Variants in CLMN observed in about 807,000 individuals in gnomAD.
The protein encoded by CLMN is calmin (calponin-like, transmembrane).
Under a neutral mutation model 92.7 loss-of-function variants are expected in CLMN, and 57 were observed. The ratio of observed to expected loss-of-function variants is 0.61; its 90% confidence interval spans 0.50 to 0.77. CLMN has a LOEUF of 0.77. Among genes scored for constraint, CLMN ranks in the 30% least tolerant of loss-of-function variants. The pLI, the probability that CLMN is intolerant of heterozygous loss-of-function variation, is 0.00. For missense variants in CLMN, 1,158 were observed against 1,237.5 expected (o/e 0.94, Z 0.96); for synonymous variants, 466 against 470.6 (o/e 0.99, Z 0.13).
intron 1 of CLMN, among the ~76,000 whole-genome samples, chr14:95,308,186 A>T (rs1026630314): frequency 6.6e-6 from 1 of 152,230 alleles, no homozygotes; most frequent in Non-Finnish European, 1.5e-5. Context: ...TCTTCAGTCA[A>T]GAAGTCAGCC....
intron 1 of CLMN, among the ~76,000 whole-genome samples, chr14:95,257,420 A>G (rs1381074132): frequency 2.0e-5 from 3 of 152,226 alleles, no homozygotes; most frequent in African/African-American, 7.2e-5. Flanking sequence ...TGCAGGAGCC[A>G]TTTGTTTTGT....
intron 1 of CLMN, among the ~76,000 whole-genome samples, chr14:95,269,942 G>A (rs978617665): frequency 6.6e-6 from 1 of 150,942 alleles, no homozygotes; most frequent in African/African-American, 2.5e-5. Context: ...GACTTCATGA[G>A]AGAGAAAATT....
At chr14:95,216,455 C>G (rs541753091) in intron 4 of CLMN, among the ~76,000 whole-genome samples, 2 of 152,304 alleles carry the variant, frequency 1.3e-5, no homozygotes, top group East Asian at 1.9e-4. Flanking sequence ...ATACAACATG[C>G]CCAGTGTCAC....
intron 1 of CLMN, among the ~76,000 whole-genome samples, chr14:95,311,421 C>T (rs995806021): frequency 5.9e-5 from 9 of 152,070 alleles, no homozygotes; most frequent in Non-Finnish European, 1.3e-4. Flanking sequence ...CCAGTTAGAC[C>T]GGGAGGTCTG....
rs528942598 is a variant in CLMN, at chr14:95,210,988, C to T, written c.609-109G>A. 16 of 1,139,310 alleles carry T rather than the reference C, an allele frequency of 1.4e-5. No individual in the cohort carries two copies. In the South Asian group the frequency reaches 2.2e-4, roughly 16 times the overall value. The allele number at this position is 1,139,310 out of a possible 1,614,324, so 70.6% of individuals were successfully genotyped here. ...GAGTTTTTGAGTGGGGCAGAGCTGC[C>T]GACCTCGCCAGGTGAAGACGCCTTC... On this transcript the variant is annotated intron_variant, in intron 6 of 12. Transcript: ENST00000298912.
rs1223036906 is a variant in CLMN at position 95,203,725 on chromosome 14, C to A, written c.1624G>T (p.Val542Phe). 1 of 1,614,126 alleles carries A rather than the reference C, an allele frequency of 6.2e-7. No individual in the cohort carries two copies. Residue 542 changes from valine (V) to phenylalanine (F), a missense_variant, in exon 9 of 13, where the codon GTT (valine) becomes TTT (phenylalanine). Physicochemically the swap from Val to Phe is conservative, Grantham distance 50 (BLOSUM62 -1). Coordinates refer to ENST00000298912, the MANE Select transcript of CLMN (RefSeq NM_024734.4). ...AAAGCTTCTACAGTCATCAGGTTAA[C>A]CTTGATCTGGAAGGAATCGGCCATC... is the stretch of plus-strand genomic sequence containing the variant. The part of the protein sequence containing the change: ...TVMADSFQIK[V>F]NLMTVEALEE...
At chr14:95,230,916 C>T (rs996748976) in intron 1 of CLMN, among the ~76,000 whole-genome samples, 3 of 152,226 alleles carry the variant, frequency 2.0e-5, no homozygotes, top group African/African-American at 7.2e-5. Context: ...CAGGAATGGA[C>T]CCCTTCTCCC....
intron 1 of CLMN, among the ~76,000 whole-genome samples, chr14:95,242,104 C>T (rs1486937835): frequency 6.6e-6 from 1 of 151,902 alleles, no homozygotes; most frequent in Non-Finnish European, 1.5e-5. Context: ...TTGGATTACA[C>T]CTGTGATTCT....
At chr14:95,305,340 C>T (rs1030669985) in intron 1 of CLMN, among the ~76,000 whole-genome samples, 3 of 152,212 alleles carry the variant, frequency 2.0e-5, no homozygotes, top group Non-Finnish European at 4.4e-5. Flanking sequence ...TGTGAGCCAC[C>T]ACTCAAAGCT....
intron 4 of CLMN, 28 bp from the exon 5 acceptor site, chr14:95,215,761 A>G (rs775419636): frequency 1.3e-6 from 2 of 1,544,310 alleles, no homozygotes; most frequent in Non-Finnish European, 1.8e-6. Flanking sequence ...ATGAACTTAA[A>G]GCGAGGTGTC....
intron 4 of CLMN, among the ~76,000 whole-genome samples, chr14:95,216,496 C>T (rs559991911): frequency 6.6e-6 from 1 of 152,230 alleles, no homozygotes; most frequent in African/African-American, 2.4e-5. Flanking sequence ...CATTCTTTTC[C>T]AAGAGAGATG....
At chr14:95,319,463 G>C (rs1349668522) in intron 1 of CLMN, among the ~76,000 whole-genome samples, 1 of 152,074 alleles carries the variant, frequency 6.6e-6, no homozygotes, top group Non-Finnish European at 1.5e-5. Flanking sequence ...ATGAAAATGC[G>C]AGCCCTCGCC....
chr14:95,299,416 G>A (rs1396065293), intron 1 of CLMN, among the ~76,000 whole-genome samples: 32 of 152,180 alleles, frequency 2.1e-4, no homozygotes, highest in Non-Finnish European at 8.8e-5. Flanking sequence ...CACGGGACAC[G>A]CACCAGGGCT....
At chr14:95,288,527 A>C (rs143023538) in intron 1 of CLMN, among the ~76,000 whole-genome samples, 168 of 152,324 alleles carry the variant, frequency 1.1e-3, no homozygotes, top group African/African-American at 3.8e-3. Context: ...ATGAAGCACA[A>C]GGCTGAAGAG....
chr14:95,305,635 T>G (rs1317914608), intron 1 of CLMN, among the ~76,000 whole-genome samples: 2 of 152,180 alleles, frequency 1.3e-5, no homozygotes, highest in African/African-American at 4.8e-5. Flanking sequence ...ACAGAAATCA[T>G]AATGGATTGT....
intron 1 of CLMN, among the ~76,000 whole-genome samples, chr14:95,292,331 T>C (rs191184840): frequency 4.1e-4 from 63 of 152,296 alleles, no homozygotes; most frequent in Non-Finnish European, 2.2e-4. Context: ...GAAACTATGC[T>C]ATTTTTAAAA....
intron 1 of CLMN, among the ~76,000 whole-genome samples, chr14:95,302,994 T>C (rs961824026): frequency 6.6e-6 from 1 of 152,224 alleles, no homozygotes; most frequent in East Asian, 1.9e-4. Flanking sequence ...TAGTGATTTG[T>C]TCTTTACTGG....
At chr14:95,293,679 C>T (rs1900692050) in intron 1 of CLMN, among the ~76,000 whole-genome samples, 1 of 149,096 alleles carries the variant, frequency 6.7e-6, no homozygotes, top group Non-Finnish European at 1.5e-5. Flanking sequence ...CCCTGTCTCC[C>T]ACCCACCCCC....
Position 95,259,788 on chromosome 14 carries a change from C to T in CLMN, c.83-29655G>A, listed in dbSNP as rs1284922828. Among the ~76,000 whole-genome samples, 1 of 152,184 alleles carries T rather than the reference C, an allele frequency of 6.6e-6. No homozygotes were observed. Among genetic ancestry groups the T allele is most frequent in the East Asian group, 1.9e-4 (1 of 5,194 alleles). ...ATAACCCCTCAAAGGTTCTTCTTCA[C>T]TCAGGACTCTTCAGCATTAAAATGC... On this transcript the variant is annotated intron_variant, in intron 1 of 12. Coordinates refer to ENST00000298912, the MANE Select transcript of CLMN (RefSeq NM_024734.4). The surrounding 1 kb of genome is among the most constrained non-coding windows in gnomAD (Gnocchi z 4.3).
Sources: allele counts gnomAD v4.1 joint callset (sites outside exome capture counted in the v4.1 genomes callset), GRCh38; gene constraint gnomAD v4.1.1; non-coding constraint Gnocchi (gnomAD v3.1); transcripts MANE v1.5; gene names NCBI Gene and HGNC (gene_info 2026-07-23, HGNC 2026-07-21).